Variants in ANO4 observed in about 807,000 individuals in gnomAD.
The protein encoded by ANO4 is anoctamin-4.
In ANO4, 69 loss-of-function variants were observed where a neutral mutation model predicts 141.9. The observed-to-expected ratio is 0.49, with a 90% CI of 0.40 to 0.59. The LOEUF is 0.59. Ranked by LOEUF, ANO4 falls within the 20% of genes least tolerant of loss-of-function variation. ANO4 has a pLI of 0.00. For missense variants in ANO4, 894 were observed against 1,162.2 expected, an observed-to-expected ratio of 0.77 and a Z score of 3.36; for synonymous variants, 350 against 394.3, an observed-to-expected ratio of 0.89 and a Z score of 1.33.
chr12:100,903,801 T>C (rs1481113330), intron 2 of ANO4, among the ~76,000 whole-genome samples: 1 of 152,222 alleles, frequency 6.6e-6, no homozygotes, highest in African/African-American at 2.4e-5. Context: ...GTCAACTGAC[T>C]ATGAACTTTA....
intron 15 of ANO4, among the ~76,000 whole-genome samples, chr12:101,080,863 T>TAG (rs566971676): frequency 0.24 from 15,834 of 65,346 alleles, 1,150 homozygotes; most frequent in East Asian, 0.39. Context: ...TTCTAGGTTC[T>TAG]AGATATATAT....
intron 1 of ANO4, among the ~76,000 whole-genome samples, chr12:100,881,843 G>T (rs925603946): frequency 5.3e-5 from 8 of 152,136 alleles, no homozygotes; most frequent in Non-Finnish European, 1.5e-5. Context: ...TTTCCTTGAA[G>T]AAATTTGCTT....
At chr12:101,028,384 A>G (rs1264024265) in intron 9 of ANO4, among the ~76,000 whole-genome samples, 1 of 152,224 alleles carries the variant, frequency 6.6e-6, no homozygotes, top group Admixed American at 6.5e-5. Context: ...AACTCCACTG[A>G]GCTCTAGGAG....
chr12:101,085,356 A>G (rs768492908), intron 16 of ANO4, among the ~76,000 whole-genome samples: 6 of 152,188 alleles, frequency 3.9e-5, no homozygotes, highest in Non-Finnish European at 7.3e-5. Context: ...GAATTCAACC[A>G]GCCACAGATG....
intron 8 of ANO4, among the ~76,000 whole-genome samples, chr12:101,019,393 T>C (rs1321289666): frequency 6.6e-6 from 1 of 151,796 alleles, no homozygotes; most frequent in Admixed American, 6.6e-5. Context: ...CACACACACA[T>C]ACACACACAT....
intron 1 of ANO4, among the ~76,000 whole-genome samples, chr12:100,892,655 T>G (rs1236919331): frequency 6.6e-6 from 1 of 152,252 alleles, no homozygotes; most frequent in African/African-American, 2.4e-5. Context: ...ATTACCTATG[T>G]GCATCCTTCC....
chr12:100,735,696 G>A (rs1304320769), intron 2 of ANO4, among the ~76,000 whole-genome samples: 1 of 152,092 alleles, frequency 6.6e-6, no homozygotes, highest in Non-Finnish European at 1.5e-5. Context: ...GATAGTAAGT[G>A]TTCCCTGAGA....
intron 1 of ANO4, among the ~76,000 whole-genome samples, chr12:100,719,240 C>T (rs2030750402): frequency 1.3e-5 from 2 of 152,150 alleles, no homozygotes; most frequent in Admixed American, 6.5e-5. Context: ...CTGCATCCAT[C>T]CCTAAAATGA....
At chr12:100,764,224 A>G (rs1055135109) in intron 3 of ANO4, among the ~76,000 whole-genome samples, 8 of 152,214 alleles carry the variant, frequency 5.3e-5, no homozygotes, top group Non-Finnish European at 4.4e-5. Flanking sequence ...ATACAGTGCA[A>G]TATGGCATTA....
chr12:100,717,333 G>A (rs2136699899), upstream of ANO4, among the ~76,000 whole-genome samples: 1 of 151,656 alleles, frequency 6.6e-6, no homozygotes, highest in East Asian at 1.9e-4. Context: ...GCGCAGCCCG[G>A]CCGGGGGCCC....
chr12:100,957,775 C>T (rs562434117), intron 5 of ANO4, among the ~76,000 whole-genome samples: 54 of 152,256 alleles, frequency 3.5e-4, no homozygotes, highest in East Asian at 3.9e-4. Flanking sequence ...TACTTTCCAG[C>T]CTGCAGAACT....
At chr12:100,797,232 A>G (rs899278635) in intron 1 of ANO4, among the ~76,000 whole-genome samples, 2 of 150,410 alleles carry the variant, frequency 1.3e-5, no homozygotes, top group African/African-American at 2.5e-5. Flanking sequence ...TAGCATGCCC[A>G]TTTGGAGAAC....
intron 1 of ANO4, among the ~76,000 whole-genome samples, chr12:100,876,929 T>G (rs1167037875): frequency 2.6e-5 from 4 of 152,210 alleles, no homozygotes; most frequent in African/African-American, 9.6e-5. Flanking sequence ...TTGCCTTGGT[T>G]GTTCGGGATC....
chr12:100,778,263 C>T (rs928154572), intron 3 of ANO4, among the ~76,000 whole-genome samples: 12 of 152,186 alleles, frequency 7.9e-5, no homozygotes, highest in African/African-American at 2.6e-4. Context: ...TTTCTCTTTG[C>T]CATAGGAAGA....
At chr12:100,929,403 A>C (rs1342429071) in intron 3 of ANO4, among the ~76,000 whole-genome samples, 1 of 152,168 alleles carries the variant, frequency 6.6e-6, no homozygotes, top group African/African-American at 2.4e-5. Context: ...TTCACTTAAC[A>C]TAATGACCTC....
At chr12:100,732,834 G>A (rs559426156) in intron 1 of ANO4, among the ~76,000 whole-genome samples, 61 of 152,248 alleles carry the variant, frequency 4.0e-4, no homozygotes, top group Non-Finnish European at 7.4e-4. Flanking sequence ...CACCTACCTC[G>A]TGCACGAAAT....
chr12:100,798,496 T>A lies in ANO4; in HGVS notation c.-141+3469T>A, dbSNP rs182897000. Among the ~76,000 whole-genome samples, 303 of 152,266 alleles carry A rather than the reference T, an allele frequency of 2.0e-3. 1 individual carries two copies. The highest frequency in any genetic ancestry group is 3.5e-3 in the Non-Finnish European group (235 of 68,012). On this transcript the variant is annotated intron_variant, in intron 1 of 27. Transcript: ENST00000392977. ...TGTATAAAATAGGAGAAATGCTTCA[T>A]GAGCTGTGTTGAATACTGTATTTTT...
Position 101,111,717 on chromosome 12 carries a change from T to C in ANO4, c.2450+7T>C, listed in dbSNP as rs756359198. 1.9e-6 allele frequency: 3 copies of C among 1,588,694 alleles called. No homozygotes were observed. In the African/African-American group the frequency reaches 4.1e-5, roughly 22 times the overall value. Reference sequence around the variant, plus strand: ...AAGGAGAAGCTGGGCAAAAGTAAGTTTGCTATAAAACCACTATACAGTTTC... The same window carrying C: ...AAGGAGAAGCTGGGCAAAAGTAAGTCTGCTATAAAACCACTATACAGTTTC... On this transcript the variant is annotated splice_region_variant and intron_variant, in intron 24 of 27. Transcript: ENST00000392977.
chr12:100,939,931 A>C (rs1592778971), intron 4 of ANO4, among the ~76,000 whole-genome samples: 1 of 152,178 alleles, frequency 6.6e-6, no homozygotes, highest in East Asian at 1.9e-4. Context: ...TGGAAAAATT[A>C]GTATTTTTTT....
Sources: allele counts gnomAD v4.1 joint callset (sites outside exome capture counted in the v4.1 genomes callset), GRCh38; gene constraint gnomAD v4.1.1; transcripts MANE v1.5; gene names NCBI Gene and HGNC (gene_info 2026-07-23, HGNC 2026-07-21).